Variants in CTNNA1 observed in about 807,000 individuals in gnomAD.
CTNNA1 encodes the protein catenin alpha 1.
Under a neutral mutation model 98.4 loss-of-function variants are expected in CTNNA1, and 37 were observed. The observed-to-expected ratio is 0.38, with a 90% confidence interval of 0.29 to 0.49. The LOEUF (loss-of-function observed/expected upper bound fraction) is 0.49. Ranked by LOEUF, CTNNA1 falls within the 20% of genes least tolerant of loss-of-function variation. The probability of loss-of-function intolerance (pLI) is 0.95; values close to 1 mark genes in which losing one functional copy is unlikely to be tolerated. For synonymous variants in CTNNA1, 404 were observed against 413.2 expected (o/e 0.98, Z 0.27); for missense variants, 761 against 1,147.2 (o/e 0.66, Z 4.86).
At chr5:138,871,304 C>T (rs1157517335) in intron 7 of CTNNA1, 1 of 152,116 alleles carries the variant, frequency 6.6e-6, no homozygotes, top group Non-Finnish European at 1.5e-5. Flanking sequence ...GTAAAAAATG[C>T]TCATTTTCTA....
intron 1 of CTNNA1, among the ~76,000 whole-genome samples, chr5:138,776,764 C>G (rs1184606570): frequency 2.7e-5 from 4 of 149,844 alleles, no homozygotes; most frequent in Non-Finnish European, 5.9e-5. Flanking sequence ...AGAAGCGCCC[C>G]TCACCTCCCG....
intron 7 of CTNNA1, among the ~76,000 whole-genome samples, chr5:138,881,370 A>G (rs149166460): frequency 1.7e-3 from 260 of 152,352 alleles, no homozygotes; most frequent in African/African-American, 6.0e-3. Context: ...CCCACCAGCC[A>G]TTTGTGGGCC....
intron 5 of CTNNA1, among the ~76,000 whole-genome samples, chr5:138,818,473 A>G (rs568865528): frequency 1.1e-4 from 16 of 152,130 alleles, no homozygotes; most frequent in South Asian, 6.2e-4. Flanking sequence ...TGGTGGGACA[A>G]TCACCTCTTC....
intron 7 of CTNNA1, chr5:138,875,122 C>T (rs753422348): frequency 5.8e-6 from 3 of 514,260 alleles, no homozygotes; most frequent in Admixed American, 3.7e-5. Flanking sequence ...TGTGATTGCT[C>T]TGATCCCTAA....
At chr5:138,930,089 GA>G (rs1467478924) in intron 14 of CTNNA1, among the ~76,000 whole-genome samples, 1 of 152,122 alleles carries the variant, frequency 6.6e-6, no homozygotes, top group Non-Finnish European at 1.5e-5. Flanking sequence ...AGTTCATCTT[GA>G]ATAGTTGGAA....
intron 9 of CTNNA1, among the ~76,000 whole-genome samples, chr5:138,899,064 T>C (rs1477786235): frequency 6.6e-6 from 1 of 152,222 alleles, no homozygotes; most frequent in East Asian, 1.9e-4. Flanking sequence ...GTCTTTTTCC[T>C]TATCTGTACT....
chr5:138,897,075 A>G (rs1756977008), intron 9 of CTNNA1, among the ~76,000 whole-genome samples: 1 of 118,600 alleles, frequency 8.4e-6, no homozygotes, highest in Non-Finnish European at 1.8e-5. Flanking sequence ...TATTCATATG[A>G]TATATACAGT....
chr5:138,836,631 G>A (rs925887291), intron 7 of CTNNA1, among the ~76,000 whole-genome samples: 2 of 152,186 alleles, frequency 1.3e-5, no homozygotes, highest in African/African-American at 2.4e-5. Context: ...GAGCAGTAGT[G>A]GTTTTGAAAT....
At chr5:138,795,151 CAAAAA>C (rs35532090) in intron 3 of CTNNA1, among the ~76,000 whole-genome samples, 8 of 81,674 alleles carry the variant, frequency 9.8e-5, no homozygotes, top group South Asian at 4.3e-4. Flanking sequence ...GTGAGACTCT[CAAAAA>C]AAAAAAAAAA....
chr5:138,861,683 G>A (rs1255129899), intron 7 of CTNNA1, among the ~76,000 whole-genome samples: 2 of 152,278 alleles, frequency 1.3e-5, no homozygotes, highest in East Asian at 1.9e-4. Flanking sequence ...ATTATTAAAA[G>A]TAAAAAGGGT....
intron 1 of CTNNA1, among the ~76,000 whole-genome samples, chr5:138,771,316 C>T (rs1409093334): frequency 6.6e-6 from 1 of 151,682 alleles, no homozygotes; most frequent in Non-Finnish European, 1.5e-5. Context: ...GCCTTTGGTG[C>T]CCTCAAGAAA....
At chr5:138,879,571 G>T (rs1485732743) in intron 7 of CTNNA1, among the ~76,000 whole-genome samples, 1 of 151,946 alleles carries the variant, frequency 6.6e-6, no homozygotes, top group South Asian at 2.1e-4. Flanking sequence ...TGGTTCAAGT[G>T]ATCCTCCAGA....
Position 138,924,599 on chromosome 5 carries a change from C to A in CTNNA1, c.1636C>A (p.Arg546=). 6.2e-7 allele frequency: 1 copy of A among 1,614,162 alleles called. No individual in the cohort carries two copies. Among genetic ancestry groups the A allele is most frequent in the Non-Finnish European group, 8.5e-7 (1 of 1,180,032 alleles). ...DGLDRTAGAI[R]GRAARVIHVV... is the part of the protein sequence containing the mutation. Reference sequence around the variant, plus strand: ...CCTGGACCGCACAGCTGGTGCAATTCGAGGCCGGGCAGCCCGGGTCATTCA... The same window carrying A: ...CCTGGACCGCACAGCTGGTGCAATTAGAGGCCGGGCAGCCCGGGTCATTCA... Residue 546 remains arginine, a synonymous_variant, in exon 12 of 18, where the codon CGA becomes AGA. Transcript: ENST00000302763.
At chr5:138,864,617 T>C (rs1291917698) in intron 7 of CTNNA1, among the ~76,000 whole-genome samples, 1 of 152,144 alleles carries the variant, frequency 6.6e-6, no homozygotes, top group Non-Finnish European at 1.5e-5. Context: ...AATCCTCCCA[T>C]AGTTAGCTTA....
intron 7 of CTNNA1, among the ~76,000 whole-genome samples, chr5:138,835,085 G>T (rs1761649720): frequency 6.6e-6 from 1 of 152,094 alleles, no homozygotes; most frequent in Admixed American, 6.5e-5. Context: ...TTGTCACAAA[G>T]TCAATTTATC....
At chr5:138,930,679 G>A in intron 15 of CTNNA1, 25 bp downstream of exon 15, 1 of 1,602,116 alleles carries the variant, frequency 6.2e-7, no homozygotes, top group Non-Finnish European at 8.5e-7. Context: ...GGCCCCACCA[G>A]GCTGCACAGG....
intron 10 of CTNNA1, among the ~76,000 whole-genome samples, chr5:138,906,137 T>G (rs1216055624): frequency 6.6e-6 from 1 of 152,208 alleles, no homozygotes; most frequent in Non-Finnish European, 1.5e-5. Context: ...AGGGCATTTG[T>G]TCTAACACCT....
intron 7 of CTNNA1, among the ~76,000 whole-genome samples, chr5:138,846,995 C>T (rs1762779204): frequency 6.6e-6 from 1 of 152,062 alleles, no homozygotes; most frequent in Non-Finnish European, 1.5e-5. Context: ...CTATTAATTA[C>T]ATGTTTGGAT....
intron 7 of CTNNA1, among the ~76,000 whole-genome samples, chr5:138,847,704 G>A (rs1361727690): frequency 2.6e-5 from 4 of 152,010 alleles, no homozygotes; most frequent in Admixed American, 2.0e-4. Context: ...TGGGGGAGGG[G>A]CATTTCTCTC....
Sources: gnomAD v4.1 joint callset for allele counts (sites outside exome capture counted in the v4.1 genomes callset) on GRCh38, gnomAD v4.1.1 for gene constraint, MANE v1.5 for transcripts, NCBI Gene and HGNC (gene_info 2026-07-23, HGNC 2026-07-21) for gene names.